The following MAST4 variants were observed in gnomAD, a reference collection of about 807,000 sequenced individuals.
The protein encoded by MAST4 is microtubule-associated serine/threonine-protein kinase 4.
MAST4 carries 89 observed loss-of-function variants against 162.7 expected under a neutral mutation model. The observed-to-expected ratio is 0.55, with a 90% CI of 0.46 to 0.65. MAST4 has a LOEUF of 0.65. Ranked by LOEUF, MAST4 falls within the 30% of genes least tolerant of loss-of-function variation. MAST4 has a pLI of 0.00. For synonymous variants in MAST4, 1,479 were observed against 1,361.1 expected (o/e 1.09, Z -1.91); for missense variants, 3,153 against 3,374.0 (o/e 0.93, Z 1.62).
chr5:67,055,998 G>GTA (rs1758760473), intron 5 of MAST4, among the ~76,000 whole-genome samples: 1 of 113,078 alleles, frequency 8.8e-6, no homozygotes. Flanking sequence ...TTTTGTTTAG[G>GTA]GATATATATA....
At chr5:66,965,623 G>C (rs1746641624) in intron 4 of MAST4, among the ~76,000 whole-genome samples, 1 of 146,410 alleles carries the variant, frequency 6.8e-6, no homozygotes, top group Non-Finnish European at 1.5e-5. Context: ...ACCAGACAGA[G>C]AAAAAAAAAT....
intron 4 of MAST4, among the ~76,000 whole-genome samples, chr5:66,952,975 T>C (rs1049227702): frequency 5.3e-5 from 8 of 152,210 alleles, no homozygotes; most frequent in African/African-American, 1.7e-4. Flanking sequence ...TAGATGTACC[T>C]TTCTGTCTCA....
chr5:66,870,036 T>C (rs760501437), intron 3 of MAST4, among the ~76,000 whole-genome samples: 1 of 152,092 alleles, frequency 6.6e-6, no homozygotes, highest in African/African-American at 2.4e-5. Context: ...TTGGGTGGTG[T>C]GTTTGTGTGT....
chr5:67,087,749 C>T (rs1378136197), intron 5 of MAST4, among the ~76,000 whole-genome samples: 2 of 152,050 alleles, frequency 1.3e-5, no homozygotes, highest in East Asian at 1.9e-4. Flanking sequence ...TGTGTGTATA[C>T]GTATATATAT....
At chr5:66,626,320 G>A (rs1221347287) in intron 1 of MAST4, among the ~76,000 whole-genome samples, 1 of 152,150 alleles carries the variant, frequency 6.6e-6, no homozygotes, top group Non-Finnish European at 1.5e-5. Context: ...CAATGTATAT[G>A]TTTTCCAAAG....
At chr5:66,963,957 T>C (rs1746336026) in intron 4 of MAST4, 1 of 709,156 alleles carries the variant, frequency 1.4e-6, no homozygotes, top group Admixed American at 2.0e-5. Context: ...ATTTAGCATA[T>C]TTACTCATAT....
At chr5:66,867,716 T>G (rs1041295036) in intron 3 of MAST4, among the ~76,000 whole-genome samples, 1 of 152,230 alleles carries the variant, frequency 6.6e-6, no homozygotes, top group Admixed American at 6.5e-5. Flanking sequence ...TTCACAAAAC[T>G]AATGGTGAGG....
At chr5:66,683,354 T>C (rs1259504092) in intron 1 of MAST4, among the ~76,000 whole-genome samples, 3 of 152,216 alleles carry the variant, frequency 2.0e-5, no homozygotes, top group African/African-American at 7.2e-5. Context: ...GACTGTTAAA[T>C]GCTTTCTGTG....
At chr5:67,056,549 G>A (rs759852410) in intron 5 of MAST4, among the ~76,000 whole-genome samples, 30 of 152,190 alleles carry the variant, frequency 2.0e-4, no homozygotes, top group Middle Eastern at 6.8e-3. Context: ...ATATTGAGAC[G>A]ACAGAACGTG....
rs1762698139 is a variant in MAST4, at chr5:66,896,585, G to A, written c.643-3366G>A. Among the ~76,000 whole-genome samples the A allele has an allele frequency of 2.0e-5, 3 of 152,198 alleles. No homozygotes were observed. The South Asian group carries it at 6.2e-4, about 32-fold the overall frequency. On this transcript the variant is annotated intron_variant, in intron 3 of 28. Coordinates refer to ENST00000403625, the MANE Select transcript of MAST4 (RefSeq NM_001164664.2). The stretch of plus-strand genomic sequence containing the variant: ...TAAATCATAAATTTACCCTTAGTTA[G>A]AAAAGAAGCGTTCAGAGATTCTCTA...
Position 67,163,481 on chromosome 5 carries a change from G to GC in MAST4, c.4308dup (p.Arg1437GlnfsTer21). The GC allele has an allele frequency of 6.2e-7, 1 of 1,613,378 alleles. No homozygotes were observed. ...ACATCGTGAGGCCCAAGAGTGCGGAGCCCCCCAGGTCCCCGCTGCTCAAGC... is the reference window on the plus strand; with the variant it reads ...ACATCGTGAGGCCCAAGAGTGCGGAGCCCCCCCAGGTCCCCGCTGCTCAAGC... On this transcript the variant is annotated frameshift_variant, in exon 29 of 29. Transcript: ENST00000403625. LOFTEE classifies it low-confidence loss of function (END_TRUNC). This position sits in a 1 kb window ranked among gnomAD's most constrained non-coding sequence, Gnocchi z 7.0.
At chr5:66,996,151 C>T (rs1750618078) in intron 4 of MAST4, among the ~76,000 whole-genome samples, 1 of 151,890 alleles carries the variant, frequency 6.6e-6, no homozygotes, top group Non-Finnish European at 1.5e-5. Flanking sequence ...TGGTGGCAGG[C>T]ACGTGTAATC....
intron 1 of MAST4, among the ~76,000 whole-genome samples, chr5:66,606,590 C>A (rs1742898518): frequency 6.6e-6 from 1 of 152,084 alleles, no homozygotes. Flanking sequence ...TGCATTGTGC[C>A]AGGTTTTGCA....
chr5:67,078,916 ATATATATATATATATAT>A lies in MAST4; in HGVS notation c.764-11245_764-11229del, dbSNP rs1762185788. Reference sequence around the variant, plus strand: ...TATTTATATATTTTTATATAAATATATATATATATATATATATATATATATATATATATATGGCAATC... The same window carrying A: ...TATTTATATATTTTTATATAAATATAATATATATATATATATATGGCAATC... On this transcript the variant is annotated intron_variant, in intron 5 of 28. Coordinates refer to ENST00000403625, the MANE Select transcript of MAST4 (RefSeq NM_001164664.2). Among the ~76,000 whole-genome samples the A allele has an allele frequency of 4.1e-4, 27 of 65,684 alleles. 2 individuals carry two copies. Among genetic ancestry groups the A allele is most frequent in the South Asian group, 1.5e-3 (3 of 1,996 alleles). The allele number at this position is 65,684 out of a possible 152,430, so 43.1% of individuals were successfully genotyped here.
intron 1 of MAST4, among the ~76,000 whole-genome samples, chr5:66,679,155 G>T (rs926605274): frequency 2.0e-5 from 3 of 152,182 alleles, no homozygotes; most frequent in Non-Finnish European, 2.9e-5. Context: ...GGTAAGAAAA[G>T]ATTACTCTGA....
chr5:66,692,827 A>G (rs1749137072), intron 1 of MAST4, among the ~76,000 whole-genome samples: 1 of 152,156 alleles, frequency 6.6e-6, no homozygotes, highest in Admixed American at 6.6e-5. Flanking sequence ...AAGTATATAT[A>G]TACTTCAAGG....
chr5:66,847,185 G>A (rs1436080840), intron 3 of MAST4, among the ~76,000 whole-genome samples: 1 of 152,230 alleles, frequency 6.6e-6, no homozygotes. Context: ...AAATCGAGGG[G>A]AGCATTTGAT....
At chr5:66,711,735 T>C (rs10055006) in intron 1 of MAST4, among the ~76,000 whole-genome samples, 2,800 of 152,282 alleles carry the variant, frequency 0.018, 84 homozygotes, top group African/African-American at 0.062. Context: ...CTCAGGAGGC[T>C]GATGCAGGAG....
chr5:66,734,543 A>G (rs756535509), intron 1 of MAST4, among the ~76,000 whole-genome samples: 1 of 152,220 alleles, frequency 6.6e-6, no homozygotes, highest in Non-Finnish European at 1.5e-5. Context: ...GTGAATCTGT[A>G]TACTTTCTGT....
Sources: gnomAD v4.1 joint callset for allele counts (sites outside exome capture counted in the v4.1 genomes callset) on GRCh38, gnomAD v4.1.1 for gene constraint, Gnocchi (gnomAD v3.1) non-coding constraint, MANE v1.5 for transcripts, NCBI Gene and HGNC (gene_info 2026-07-23, HGNC 2026-07-21) for gene names.